ABCB7: variants seen among roughly 807,000 people sequenced by gnomAD.
ABCB7 encodes iron-sulfur clusters transporter ABCB7, mitochondrial.
Under a neutral mutation model 54.4 loss-of-function variants are expected in ABCB7, and 7 were observed. The observed-to-expected ratio is 0.13, with a 90% CI of 0.07 to 0.24. ABCB7 has a LOEUF of 0.24. Ranked by LOEUF, ABCB7 falls within the 10% of genes least tolerant of loss-of-function variation. The pLI, the probability that ABCB7 is intolerant of heterozygous loss-of-function variation, is 1.00. For missense variants in ABCB7, 356 were observed against 570.4 expected, an observed-to-expected ratio of 0.62 and a Z score of 3.83; for synonymous variants, 218 against 207.1, an observed-to-expected ratio of 1.05 and a Z score of -0.45.
intron 14 of ABCB7, among the ~76,000 whole-genome samples, chrX:75,062,046 T>C (rs1420028869): frequency 8.9e-6 from 1 of 112,614 alleles, no homozygotes; most frequent in Admixed American, 9.4e-5. Context: ...TCCTACAGCT[T>C]TGTAAGATGC....
chrX:75,144,190 C>A lies in ABCB7; in HGVS notation c.168+11915G>T, dbSNP rs185682853. 4.4e-3 allele frequency among the ~76,000 whole-genome samples: 493 copies of A among 111,289 alleles called. 2 individuals are homozygous for A. The highest frequency in any genetic ancestry group is 0.015 in the African/African-American group (470 of 30,647). Reference sequence around the variant, plus strand: ...TTCTAATCTTTCCCTCAAACTGCACCCAGAATCACAGCCCTAAAACAAATT... The same window carrying A: ...TTCTAATCTTTCCCTCAAACTGCACACAGAATCACAGCCCTAAAACAAATT... On this transcript the variant is annotated intron_variant, in intron 1 of 15. Transcript: ENST00000373394.
Position 75,062,309 on chromosome X carries a change from T to C in ABCB7, c.1935+19A>G. On this transcript the variant is annotated intron_variant, in intron 14 of 15. Transcript: ENST00000373394. ...AAAAGTTAAACATTGAAGAGCTTTA[T>C]ATTTTAATCATAACTTACCTCTTCA... is the stretch of plus-strand genomic sequence containing the variant. The C allele has an allele frequency of 8.5e-7, 1 of 1,170,543 alleles. No individual in the cohort carries two copies. The highest frequency in any genetic ancestry group is 1.2e-6 in the Non-Finnish European group (1 of 858,608).
rs113946697 is a variant in ABCB7 at position 75,064,861 on chromosome X, GA to G, written c.1831+208del. Reference sequence around the variant, plus strand: ...ACCTACAGTGTTTGCAGCTGCAAGTGAAAAAAAAAAGACTTGCATGACTTGA... The same window carrying G: ...ACCTACAGTGTTTGCAGCTGCAAGTGAAAAAAAAAGACTTGCATGACTTGA... On this transcript the variant is annotated intron_variant, in intron 13 of 15. Transcript: ENST00000373394. Among the ~76,000 whole-genome samples the G allele has an allele frequency of 5.8e-5, 6 of 103,633 alleles. No individual in the cohort carries two copies. In the South Asian group the frequency reaches 1.3e-3, roughly 23 times the overall value. 90.0% of individuals were successfully genotyped at this position (103,633 alleles called of 115,157 possible). A position where few individuals can be genotyped will look rare whatever the true frequency, so the allele number is the denominator to read the frequency against.
intron 2 of ABCB7, among the ~76,000 whole-genome samples, chrX:75,113,652 GAT>G (rs2081782235): frequency 1.8e-5 from 2 of 111,450 alleles, no homozygotes; most frequent in African/African-American, 6.5e-5. Context: ...TGGATTAGAT[GAT>G]TTTTCAGTAG....
chrX:75,074,324 A>T (rs188864718), intron 6 of ABCB7, among the ~76,000 whole-genome samples: 80 of 111,765 alleles, frequency 7.2e-4, no homozygotes, highest in Non-Finnish European at 1.9e-4. Context: ...ATGAGTCAGA[A>T]TGGCTATTAT....
chrX:75,097,637 G>GA (rs1228356546), intron 4 of ABCB7: 1 of 110,891 alleles, frequency 9.0e-6, no homozygotes, highest in African/African-American at 3.3e-5. Context: ...ATAATATAGG[G>GA]AAAAAATAAG....
intron 4 of ABCB7, among the ~76,000 whole-genome samples, chrX:75,077,431 A>G (rs10482116): frequency 0.029 from 3,234 of 112,283 alleles, 117 homozygotes; most frequent in African/African-American, 0.1. Context: ...TTCACATTCT[A>G]TATTTTCTGC....
At position 75,156,251 on chromosome X, in the gene ABCB7, A is replaced by G; in HGVS notation, c.22T>C (p.Ser8Pro). Residue 8 changes from serine to proline, a missense_variant, in exon 1 of 16, where the codon TCT becomes CCT. Ser to Pro is a moderately conservative substitution (Grantham distance 74). Transcript: ENST00000373394. MALLAMH[S>P]WRWAAAAAAF... is the part of the protein sequence containing the mutation. Reference sequence around the variant, plus strand: ...GCCGCCGCGGCCGCCCAGCGCCAAGAATGCATCGCGAGCAGCGCCATCTTG... The same window carrying G: ...GCCGCCGCGGCCGCCCAGCGCCAAGGATGCATCGCGAGCAGCGCCATCTTG... The G allele has an allele frequency of 2.5e-6, 3 of 1,205,722 alleles. No individual in the cohort carries two copies. Among genetic ancestry groups the G allele is most frequent in the Non-Finnish European group, 3.4e-6 (3 of 892,774 alleles).
intron 15 of ABCB7, among the ~76,000 whole-genome samples, chrX:75,054,874 A>G (rs1336022885): frequency 9.0e-6 from 1 of 110,903 alleles, no homozygotes; most frequent in Admixed American, 9.6e-5. Flanking sequence ...CTTGCTCTGA[A>G]GTTCTAGACA....
Position 75,099,997 on chromosome X carries a change from C to T in ABCB7, c.334-936G>A, listed in dbSNP as rs181325917. On this transcript the variant is annotated intron_variant, in intron 3 of 15. Transcript: ENST00000373394. The stretch of plus-strand genomic sequence containing the variant: ...TGGAGAATACACTGAAATAATCTTT[C>T]TGGAGAGCAATTTGCTATATATTAC... Among the ~76,000 whole-genome samples the T allele has an allele frequency of 4.6e-4, 51 of 110,553 alleles. 2 individuals are homozygous for T. In the East Asian group the frequency reaches 0.013, roughly 29 times the overall value.
chrX:75,082,081 A>C (rs2147480046), intron 4 of ABCB7, among the ~76,000 whole-genome samples: 1 of 111,821 alleles, frequency 8.9e-6, no homozygotes, highest in South Asian at 3.8e-4. Context: ...CAAAAGACAT[A>C]AACCTATAAT....
chrX:75,148,084 C>G (rs972303901), intron 1 of ABCB7, among the ~76,000 whole-genome samples: 2 of 110,701 alleles, frequency 1.8e-5, no homozygotes, highest in Non-Finnish European at 3.8e-5. Context: ...CCACTGCATT[C>G]CAACCTGGGT....
chrX:75,124,365 T>C (rs746886518), intron 1 of ABCB7, among the ~76,000 whole-genome samples: 1 of 111,885 alleles, frequency 8.9e-6, no homozygotes, highest in Non-Finnish European at 1.9e-5. Flanking sequence ...CTGACAAAAG[T>C]TTTTTTATGT....
intron 4 of ABCB7, among the ~76,000 whole-genome samples, chrX:75,096,181 T>C (rs1052664557): frequency 1.8e-5 from 2 of 112,395 alleles, no homozygotes; most frequent in African/African-American, 6.5e-5. Flanking sequence ...AATACTATGC[T>C]AAAAATGCAC....
At position 75,085,417 on chromosome X, in the gene ABCB7, C is replaced by A. The variant is rs1471813360; in HGVS notation, c.454-8763G>T. Among the ~76,000 whole-genome samples the A allele has an allele frequency of 2.7e-5, 3 of 111,427 alleles. No individual in the cohort carries two copies. In the Admixed American group the frequency reaches 2.9e-4, roughly 11 times the overall value. On this transcript the variant is annotated intron_variant, in intron 4 of 15. Transcript: ENST00000373394. ...AAAACTATAGTGATAGAGGACAAAT[C>A]AATGTTACCCAGCAGCTAGGGGTCT...
intron 3 of ABCB7, among the ~76,000 whole-genome samples, chrX:75,111,841 G>C (rs762942486): frequency 8.9e-6 from 1 of 112,217 alleles, no homozygotes; most frequent in South Asian, 3.7e-4. Flanking sequence ...TTTTGGTTGT[G>C]TTTAGATTAT....
intron 1 of ABCB7, among the ~76,000 whole-genome samples, chrX:75,153,760 G>GTA (rs55904708): frequency 1.8e-4 from 17 of 94,140 alleles, no homozygotes; most frequent in African/African-American, 5.3e-4. Flanking sequence ...GTGTGTGTGT[G>GTA]TATATATATA....
intron 4 of ABCB7, among the ~76,000 whole-genome samples, chrX:75,078,415 C>T (rs2081428721): frequency 2.7e-5 from 3 of 111,312 alleles, no homozygotes; most frequent in Admixed American, 1.9e-4. Context: ...ATATTTCCAT[C>T]CTTTTTGCAT....
chrX:75,056,982 C>A (rs2081245423), intron 15 of ABCB7, among the ~76,000 whole-genome samples: 1 of 111,921 alleles, frequency 8.9e-6, no homozygotes, highest in Admixed American at 9.5e-5. Flanking sequence ...TGGCTTAATT[C>A]TATTTTTCTT....
Sources: gnomAD v4.1 joint callset for allele counts (sites outside exome capture counted in the v4.1 genomes callset) on GRCh38, gnomAD v4.1.1 for gene constraint, MANE v1.5 for transcripts, NCBI Gene and HGNC (gene_info 2026-07-23, HGNC 2026-07-21) for gene names.